WDR73: variants seen among roughly 807,000 people sequenced by gnomAD.
WDR73 encodes the protein integrator complex assembly factor WDR73.
WDR73 carries 30 observed loss-of-function variants against 38.2 expected under a neutral mutation model. The ratio of observed to expected loss-of-function variants is 0.79; its 90% CI spans 0.59 to 1.06. The LOEUF (loss-of-function observed/expected upper bound fraction) is 1.06. Ranked by LOEUF, WDR73 falls within the 50% of genes least tolerant of loss-of-function variation. The pLI, the probability that WDR73 is intolerant of heterozygous loss-of-function variation, is 0.00. For synonymous variants in WDR73, 197 were observed against 176.0 expected (o/e 1.12, Z -0.94); for missense variants, 487 against 467.0 (o/e 1.04, Z -0.40).
chr15:84,645,757 C>A lies in WDR73; in HGVS notation c.597G>T (p.Arg199=). The A allele has an allele frequency of 6.2e-7, 1 of 1,612,124 alleles. No individual in the cohort carries two copies. Among genetic ancestry groups the A allele is most frequent in the Admixed American group, 1.7e-5 (1 of 59,648 alleles). The change falls in exon 7 of 8, where the codon CGG becomes CGT. Residue 199 remains arginine (R), a synonymous_variant. Coordinates refer to ENST00000434634, the MANE Select transcript of WDR73 (RefSeq NM_032856.5). ...DTFAFCCASG[R]LGLVDTRQKW... The stretch of plus-strand genomic sequence containing the variant: ...TCTGCCGGGTGTCAACAAGCCCCAG[C>A]CGGCCTGAAGCACAGCAGAAGGCAA...
At chr15:84,645,239 G>T in intron 7 of WDR73, 1 of 1,419,742 alleles carries the variant, frequency 7.0e-7, no homozygotes, top group East Asian at 2.7e-5. Context: ...ACCAACCTGA[G>T]ACCTGAATTC....
At position 84,645,220 on chromosome 15, in the gene WDR73, G is replaced by A. The variant is rs1475813287; in HGVS notation, c.883+251C>T. On this transcript the variant is annotated intron_variant, in intron 7 of 7. Transcript: ENST00000434634. The stretch of plus-strand genomic sequence containing the variant: ...CTGTCCCAGTGTCTTACTGTCTGCA[G>A]GCCCCTCCACCAACCTGAGACCTGA... The A allele has an allele frequency of 2.9e-6, 4 of 1,379,832 alleles. No individual in the cohort carries two copies. In the African/African-American group the frequency reaches 4.4e-5, roughly 15 times the overall value. The allele number at this position is 1,379,832 out of a possible 1,614,324, so 85.5% of individuals were successfully genotyped here. A position where few individuals can be genotyped will look rare whatever the true frequency, so the allele number is the denominator to read the frequency against.
rs1433269791 is a variant in WDR73 at position 84,652,803 on chromosome 15, C to T, written c.110-1G>A. ...CTTTCATAGCCAGCAACAAAGACTC[C>T]TGGAAAAAGAAGCAGAGGTAGCTGT... On this transcript the variant is annotated splice_acceptor_variant, in intron 2 of 7. Coordinates refer to ENST00000434634, the MANE Select transcript of WDR73 (RefSeq NM_032856.5). LOFTEE classifies it high-confidence loss of function. The T allele has an allele frequency of 6.6e-7, 1 of 1,516,460 alleles. No individual in the cohort carries two copies. The highest frequency in any genetic ancestry group is 1.3e-5 in the South Asian group (1 of 77,862). The allele number at this position is 1,516,460 out of a possible 1,614,324, so 93.9% of individuals were successfully genotyped here.
intron 2 of WDR73, 79 bp downstream of exon 2, chr15:84,653,553 G>T: frequency 9.4e-7 from 1 of 1,066,770 alleles, no homozygotes; most frequent in Non-Finnish European, 1.4e-6. Flanking sequence ...AGAGTGGGTT[G>T]GGTCCCTCTA....
intron 4 of WDR73, chr15:84,648,203 A>C (rs1266125787): frequency 5.1e-6 from 3 of 592,654 alleles, no homozygotes; most frequent in Non-Finnish European, 9.0e-6. Context: ...GGCCAAACAC[A>C]ACCTGACCCA....
At position 84,643,477 on chromosome 15, in the gene WDR73, G is replaced by A. The variant is rs887302155; in HGVS notation, c.1130C>T (p.Pro377Leu). ...GATGGAAAGATGCTGGTGTCAGCGGGGGGCACAAAGGTCCACCCAGTCCCA... is the reference window on the plus strand; with the variant it reads ...GATGGAAAGATGCTGGTGTCAGCGGAGGGCACAAAGGTCCACCCAGTCCCA... ...HVWDWVDLCAPR is the reference protein window; with the variant it reads ...HVWDWVDLCALR The change falls in exon 8 of 8, where the codon CCC becomes CTC. Residue 377 changes from proline to leucine, a missense_variant. Pro to Leu is a moderately conservative substitution (Grantham distance 98, BLOSUM62 -3). Coordinates refer to ENST00000434634, the MANE Select transcript of WDR73 (RefSeq NM_032856.5). 57 of 1,555,480 alleles carry A rather than the reference G, an allele frequency of 3.7e-5. No individual in the cohort carries two copies. The highest frequency in any genetic ancestry group is 4.3e-5 in the Non-Finnish European group (49 of 1,149,322).
At chr15:84,647,320 C>CAGCAG (rs1480516848) in intron 5 of WDR73, 1 of 154,040 alleles carries the variant, frequency 6.5e-6, no homozygotes, top group Non-Finnish European at 1.4e-5. Context: ...CTCACCTGAG[C>CAGCAG]AGCCTAAGCT....
At position 84,652,744 on chromosome 15, in the gene WDR73, T is replaced by TA. The variant is rs1201015750; in HGVS notation, c.167dup (p.Leu56PhefsTer33). On this transcript the variant is annotated frameshift_variant, in exon 3 of 8. Coordinates refer to ENST00000434634, the MANE Select transcript of WDR73 (RefSeq NM_032856.5). LOFTEE classifies it high-confidence loss of function. The stretch of plus-strand genomic sequence containing the variant: ...TTTCCTTTACAGAAAGTCTGAGAGG[T>TA]AATTTCAGATGAAGAATTTCATTCT... The TA allele has an allele frequency of 6.5e-7, 1 of 1,534,834 alleles. No individual in the cohort carries two copies.
rs1408033289 is a variant in WDR73, at chr15:84,640,740, T to C, written c.*2730A>G. The C allele has an allele frequency of 1.3e-5, 2 of 152,160 alleles. No homozygotes were observed. The highest frequency in any genetic ancestry group is 2.9e-5 in the Non-Finnish European group (2 of 68,018). 9.4% of individuals were successfully genotyped at this position (152,160 alleles called of 1,614,324 possible). A position where few individuals can be genotyped will look rare whatever the true frequency, so the allele number is the denominator to read the frequency against. On this transcript the variant is annotated 3_prime_UTR_variant, in exon 8 of 8. Coordinates refer to ENST00000434634, the MANE Select transcript of WDR73 (RefSeq NM_032856.5). ...TATTAAAAGAATTTAAAATAAAGTG[T>C]TCCATAGATGTGAACCCTGCGTAGA...
chr15:84,651,660 C>A (rs1013358041), intron 3 of WDR73, among the ~76,000 whole-genome samples: 5 of 152,204 alleles, frequency 3.3e-5, no homozygotes, highest in Admixed American at 1.3e-4. Context: ...GCTTCTAACT[C>A]TGCTCAAGCC....
At position 84,647,758 on chromosome 15, in the gene WDR73, A is replaced by G. The variant is rs149476492; in HGVS notation, c.352+132T>C. 1.6e-3 allele frequency: 1,407 copies of G among 863,298 alleles called. 8 individuals are homozygous for G. The highest frequency in any genetic ancestry group is 4.8e-3 in the African/African-American group (285 of 59,954). The allele number at this position is 863,298 out of a possible 1,614,324, so 53.5% of individuals were successfully genotyped here. On this transcript the variant is annotated intron_variant, in intron 5 of 7. Coordinates refer to ENST00000434634, the MANE Select transcript of WDR73 (RefSeq NM_032856.5). ...GTGATCCACCCAGCTCAGCCTCCCA[A>G]AGTGCTACAATTACAGGCATGAGAC...
intron 5 of WDR73, 46 bp downstream of exon 5, chr15:84,647,844 C>T (rs764715509): frequency 7.5e-6 from 12 of 1,592,080 alleles, no homozygotes; most frequent in Non-Finnish European, 9.5e-6. Flanking sequence ...GTGTATGAGT[C>T]ACACTTTCCT....
chr15:84,640,604 G>A lies in WDR73; in HGVS notation c.*2866C>T, dbSNP rs1209047543. On this transcript the variant is annotated 3_prime_UTR_variant, in exon 8 of 8. Transcript: ENST00000434634. ...CCAGCTACTCGGGAGGCTGGGGCAG[G>A]AGAATCACTTGAGCCCAGGAGTTGG... is the stretch of plus-strand genomic sequence containing the variant. The A allele has an allele frequency of 6.6e-6, 1 of 152,262 alleles. No individual in the cohort carries two copies. The allele number at this position is 152,262 out of a possible 1,614,324, so 9.4% of individuals were successfully genotyped here. A position where few individuals can be genotyped will look rare whatever the true frequency, so the allele number is the denominator to read the frequency against.
chr15:84,643,903 C>T, intron 7 of WDR73, 180 bp from the exon 8 acceptor site: 1 of 670,270 alleles, frequency 1.5e-6, no homozygotes, highest in South Asian at 2.4e-5. Context: ...AGGCACCCAG[C>T]CCCTAAAATA....
chr15:84,648,194 G>A, intron 4 of WDR73: 1 of 596,288 alleles, frequency 1.7e-6, no homozygotes, highest in Non-Finnish European at 3.0e-6. Flanking sequence ...CAAGTATGGG[G>A]CCAAACACAA....
intron 2 of WDR73, 86 bp downstream of exon 2, chr15:84,653,546 G>C (rs1018579905): frequency 2.1e-6 from 2 of 964,816 alleles, no homozygotes; most frequent in Admixed American, 2.1e-5. Flanking sequence ...GCCCAGAAGA[G>C]TGGGTTGGGT....
At chr15:84,653,951 A>G (rs1567026088) in intron 1 of WDR73, 1 of 603,676 alleles carries the variant, frequency 1.7e-6, no homozygotes, top group Non-Finnish European at 2.9e-6. Flanking sequence ...CAATGAGATC[A>G]TCTGTGTTCT....
In WDR73 at chr15:84,654,118, G is replaced by A. The variant is rs1276209178; in HGVS notation, c.41+116C>T. 3 of 1,403,508 alleles carry A rather than the reference G, an allele frequency of 2.1e-6. No homozygotes were observed. In the Admixed American group the frequency reaches 5.2e-5, roughly 24 times the overall value. The allele number at this position is 1,403,508 out of a possible 1,614,324, so 86.9% of individuals were successfully genotyped here. Reference sequence around the variant, plus strand: ...GGAGTCCTCCACGGTGGCGAGCCCCGAGGCCACAGCTGGCCCACTCTGCAC... The same window carrying A: ...GGAGTCCTCCACGGTGGCGAGCCCCAAGGCCACAGCTGGCCCACTCTGCAC... On this transcript the variant is annotated intron_variant, in intron 1 of 7. Transcript: ENST00000434634.
Position 84,648,044 on chromosome 15 carries a change from C to T in WDR73, c.288-90G>A, listed in dbSNP as rs1896517576. 3 of 1,076,404 alleles carry T rather than the reference C, an allele frequency of 2.8e-6. No individual in the cohort carries two copies. The South Asian group carries it at 3.8e-5, about 14-fold the overall frequency. 66.7% of individuals were successfully genotyped at this position (1,076,404 alleles called of 1,614,324 possible). On this transcript the variant is annotated intron_variant, in intron 4 of 7. Transcript: ENST00000434634. The stretch of plus-strand genomic sequence containing the variant: ...TTCCAGCACACTTAGCTTGGGACTC[C>T]ACTTCCCATATCAGGACATCTTACT...
Sources: gnomAD v4.1 joint callset for allele counts (sites outside exome capture counted in the v4.1 genomes callset) on GRCh38, gnomAD v4.1.1 for gene constraint, MANE v1.5 for transcripts, NCBI Gene and HGNC (gene_info 2026-07-23, HGNC 2026-07-21) for gene names.